KDSR: variants seen among roughly 807,000 people sequenced by gnomAD.
KDSR encodes 3-dehydrosphinganine reductase.
KDSR carries 23 observed loss-of-function variants against 41.3 expected under a neutral mutation model. The observed-to-expected ratio is 0.56, with a 90% confidence interval of 0.40 to 0.79. The LOEUF (loss-of-function observed/expected upper bound fraction) is 0.79, where lower values mean the gene tolerates loss of function less well. KDSR is among the 30% of genes least tolerant of loss of function. KDSR has a pLI of 0.00. For synonymous variants in KDSR, 138 were observed against 151.7 expected (o/e 0.91, Z 0.66); for missense variants, 351 against 416.8 (o/e 0.84, Z 1.37).
Position 63,342,434 on chromosome 18 carries a change from A to T in KDSR, c.693+1976T>A, listed in dbSNP as rs891812298. ...CTAGAACAGACCAGGAACGGGGACG[A>T]CCCCAGGAGAAATGTCTGAGGAAAA... On this transcript the variant is annotated intron_variant, in intron 7 of 9. Coordinates refer to ENST00000645214, the MANE Select transcript of KDSR (RefSeq NM_002035.4). Among the ~76,000 whole-genome samples, 4 of 152,124 alleles carry T rather than the reference A, an allele frequency of 2.6e-5. No individual in the cohort carries two copies. In the South Asian group the frequency reaches 8.3e-4, roughly 31 times the overall value.
At chr18:63,348,960 G>A (rs1168458017) in intron 6 of KDSR, among the ~76,000 whole-genome samples, 1 of 152,198 alleles carries the variant, frequency 6.6e-6, no homozygotes, top group Non-Finnish European at 1.5e-5. Flanking sequence ...GTCAAGGCTT[G>A]GATCGTGTTG....
At chr18:63,358,985 C>T (rs1234086070) in intron 3 of KDSR, among the ~76,000 whole-genome samples, 1 of 150,272 alleles carries the variant, frequency 6.7e-6, no homozygotes, top group Non-Finnish European at 1.5e-5. Context: ...TGAAGACCAG[C>T]CTGGGCAACA....
intron 1 of KDSR, among the ~76,000 whole-genome samples, chr18:63,364,547 G>A (rs953444064): frequency 2.6e-5 from 4 of 151,994 alleles, no homozygotes; most frequent in African/African-American, 7.2e-5. Flanking sequence ...AGGTTCAAGC[G>A]ATTCTCTTGT....
intron 5 of KDSR, 127 bp from the exon 6 acceptor site, chr18:63,351,206 G>T: frequency 1.5e-6 from 1 of 674,608 alleles, no homozygotes; most frequent in Non-Finnish European, 2.5e-6. Flanking sequence ...CAACAGGCTT[G>T]CTGAATGAAT....
At chr18:63,345,614 A>C (rs1025362658) in intron 6 of KDSR, 3 of 152,206 alleles carry the variant, frequency 2.0e-5, no homozygotes, top group African/African-American at 7.2e-5. Context: ...GCTAAAAATC[A>C]ACACCACTGC....
At chr18:63,349,669 C>A (rs1458959574) in intron 6 of KDSR, among the ~76,000 whole-genome samples, 1 of 152,260 alleles carries the variant, frequency 6.6e-6, no homozygotes, top group African/African-American at 2.4e-5. Context: ...TACTGCAACG[C>A]TCGTCCCATA....
intron 7 of KDSR, among the ~76,000 whole-genome samples, chr18:63,342,586 A>C (rs931700601): frequency 2.0e-5 from 3 of 152,246 alleles, no homozygotes; most frequent in Non-Finnish European, 4.4e-5. Context: ...AAGGCAAGAA[A>C]GGAAATGTCA....
chr18:63,366,143 A>G (rs1227358232), intron 1 of KDSR: 1 of 152,246 alleles, frequency 6.6e-6, no homozygotes, highest in Non-Finnish European at 1.5e-5. Context: ...CAAACGGGAA[A>G]GTGCTGGGCG....
chr18:63,365,096 T>A (rs1915096863), intron 1 of KDSR, among the ~76,000 whole-genome samples: 1 of 152,248 alleles, frequency 6.6e-6, no homozygotes, highest in Non-Finnish European at 1.5e-5. Context: ...AAGAGATTTA[T>A]TTGGTCGGTA....
chr18:63,347,048 CACTA>C (rs1373362098), intron 6 of KDSR, among the ~76,000 whole-genome samples: 6 of 152,234 alleles, frequency 3.9e-5, no homozygotes, highest in African/African-American at 7.2e-5. Context: ...GCCAGGTCCT[CACTA>C]ACTGAGTCCC....
chr18:63,345,158 C>T (rs1914461761), intron 6 of KDSR: 1 of 152,456 alleles, frequency 6.6e-6, no homozygotes, highest in Non-Finnish European at 1.5e-5. Flanking sequence ...CCAAGTCAGA[C>T]CAGCCAAGTA....
In KDSR at chr18:63,337,113, A is replaced by AATATATATATATAT. The variant is rs139383635; in HGVS notation, c.777+1673_777+1686dup. On this transcript the variant is annotated intron_variant, in intron 8 of 9. Coordinates refer to ENST00000645214, the MANE Select transcript of KDSR (RefSeq NM_002035.4). Reference sequence around the variant, plus strand: ...GTGACTTTATATATATATATATGTGAATATATATATATATATATATATATG... The same window carrying AATATATATATATAT: ...GTGACTTTATATATATATATATGTGAATATATATATATATATATATATATATATATATATATATG... Among the ~76,000 whole-genome samples the AATATATATATATAT allele has an allele frequency of 4.1e-4, 52 of 127,766 alleles. 1 individual carries two copies. The highest frequency in any genetic ancestry group is 1.6e-3 in the African/African-American group (51 of 31,416). 83.8% of individuals were successfully genotyped at this position (127,766 alleles called of 152,430 possible). A position where few individuals can be genotyped will look rare whatever the true frequency, so the allele number is the denominator to read the frequency against.
chr18:63,344,454 G>A lies in KDSR; in HGVS notation c.649C>T (p.Pro217Ser). 2 of 1,614,080 alleles carry A rather than the reference G, an allele frequency of 1.2e-6. No homozygotes were observed. Among genetic ancestry groups the A allele is most frequent in the Non-Finnish European group, 1.7e-6 (2 of 1,179,916 alleles). ...YNVYITVAYP[P>S]DTDTPGFAEE... ...GCAAAGCCAGGTGTGTCTGTGTCTG[G>A]TGGGTAAGCAACTGTGATGTAGACA... The change falls in exon 7 of 10, where the codon CCA becomes TCA. Residue 217 changes from proline (P) to serine (S), a missense_variant. By Grantham distance (74) the Pro-to-Ser change is moderately conservative (BLOSUM62 -1). Transcript: ENST00000645214.
At chr18:63,353,708 G>A (rs1914721099) in intron 5 of KDSR, among the ~76,000 whole-genome samples, 1 of 152,198 alleles carries the variant, frequency 6.6e-6, no homozygotes. Context: ...AAAAACTGAT[G>A]CTAAGAGAAA....
At chr18:63,356,163 C>T (rs975953998) in intron 3 of KDSR, among the ~76,000 whole-genome samples, 7 of 152,156 alleles carry the variant, frequency 4.6e-5, no homozygotes, top group East Asian at 3.9e-4. Flanking sequence ...TTTGGGAGGC[C>T]GAGGCAGGTA....
intron 2 of KDSR, among the ~76,000 whole-genome samples, chr18:63,361,061 T>TAATATATATAATAA (rs1914964151): frequency 1.3e-5 from 1 of 77,936 alleles, no homozygotes; most frequent in African/African-American, 4.7e-5. Context: ...TATATATATG[T>TAATATATATAATAA]AAATATATAT....
At position 63,357,863 on chromosome 18, in the gene KDSR, C is replaced by CACCG. The variant is rs933094729; in HGVS notation, c.255+1869_255+1872dup. 7.4e-4 allele frequency among the ~76,000 whole-genome samples: 112 copies of CACCG among 152,064 alleles called. 1 individual carries two copies. Among genetic ancestry groups the CACCG allele is most frequent in the African/African-American group, 2.7e-3 (110 of 41,406 alleles). ...AAATGTTGGGATTACAGGCATGAGC[C>CACCG]ACCGCACCTGGCCTAAAGAATAATA... On this transcript the variant is annotated intron_variant, in intron 3 of 9. Transcript: ENST00000645214.
In KDSR at chr18:63,362,838, A is replaced by G. The variant is rs772938769; in HGVS notation, c.139T>C (p.Cys47Arg). The change falls in exon 2 of 10, where the codon TGC (cysteine) becomes CGC (arginine). Residue 47 changes from cysteine to arginine, a missense_variant. By Grantham distance (180) the Cys-to-Arg change is radical. Transcript: ENST00000645214. ...TGTTTATAGCACTCGATAGCAATGC[A>G]CTTCCCGATGCCACTGGAACCTCCT... Reference protein sequence around the residue: ...VTGGSSGIGKCIAIECYKQGA... With the variant: ...VTGGSSGIGKRIAIECYKQGA... The G allele has an allele frequency of 3.7e-6, 6 of 1,613,814 alleles. No homozygotes were observed. The highest frequency in any genetic ancestry group is 5.1e-6 in the Non-Finnish European group (6 of 1,179,714).
intron 3 of KDSR, among the ~76,000 whole-genome samples, chr18:63,359,174 G>A (rs1304060931): frequency 1.0e-5 from 1 of 97,836 alleles, no homozygotes; most frequent in African/African-American, 4.5e-5. Context: ...TTGAGACACT[G>A]CCTCAAAAAA....
Sources: gnomAD v4.1 joint callset for allele counts (sites outside exome capture counted in the v4.1 genomes callset) on GRCh38, gnomAD v4.1.1 for gene constraint, MANE v1.5 for transcripts, NCBI Gene and HGNC (gene_info 2026-07-23, HGNC 2026-07-21) for gene names.